LRP1B: variants seen among roughly 807,000 people sequenced by gnomAD.
The protein encoded by LRP1B is low-density lipoprotein receptor-related protein 1B.
LRP1B carries 217 observed loss-of-function variants against 556.6 expected under a neutral mutation model. The ratio of observed to expected loss-of-function variants is 0.39; its 90% CI spans 0.35 to 0.44. The LOEUF is 0.44. Among genes scored for constraint, LRP1B ranks in the 20% least tolerant of loss-of-function variants. The pLI is 1.00. For synonymous variants in LRP1B, 2,047 were observed against 1,865.8 expected, an observed-to-expected ratio of 1.10 and a Z score of -2.50; for missense variants, 5,053 against 5,620.8, an observed-to-expected ratio of 0.90 and a Z score of 3.23.
At chr2:141,993,022 T>C (rs1702389654) in intron 1 of LRP1B, among the ~76,000 whole-genome samples, 2 of 152,100 alleles carry the variant, frequency 1.3e-5, no homozygotes, top group Non-Finnish European at 1.5e-5. Context: ...GTATTTTCAT[T>C]CTAGTTTTAA....
chr2:141,028,703 A>T (rs1698284322), intron 11 of LRP1B, among the ~76,000 whole-genome samples: 2 of 152,092 alleles, frequency 1.3e-5, no homozygotes, highest in African/African-American at 4.8e-5. Flanking sequence ...AGATCTTTTT[A>T]ATCAGTTTAA....
chr2:140,803,353 T>C (rs1353328121), intron 32 of LRP1B, among the ~76,000 whole-genome samples: 2 of 143,604 alleles, frequency 1.4e-5, no homozygotes, highest in East Asian at 4.2e-4. Context: ...CTTGGCTCAC[T>C]GCAACCTCCA....
At chr2:140,647,678 T>G (rs1220284122) in intron 41 of LRP1B, among the ~76,000 whole-genome samples, 2 of 152,152 alleles carry the variant, frequency 1.3e-5, no homozygotes, top group Non-Finnish European at 2.9e-5. Flanking sequence ...TTTTAAAAAA[T>G]TATGCATTTT....
intron 35 of LRP1B, among the ~76,000 whole-genome samples, chr2:140,759,302 C>T (rs1397801643): frequency 6.6e-6 from 1 of 152,082 alleles, no homozygotes; most frequent in Non-Finnish European, 1.5e-5. Flanking sequence ...CTCTAAAATA[C>T]TCCAACTCCA....
At chr2:141,516,407 A>G (rs1465789628) in intron 2 of LRP1B, among the ~76,000 whole-genome samples, 1 of 152,192 alleles carries the variant, frequency 6.6e-6, no homozygotes, top group Non-Finnish European at 1.5e-5. Flanking sequence ...ACTAATCATA[A>G]TGTTAGATCA....
intron 7 of LRP1B, among the ~76,000 whole-genome samples, chr2:141,129,957 T>G (rs1015098807): frequency 5.3e-5 from 8 of 152,038 alleles, no homozygotes; most frequent in African/African-American, 1.9e-4. Flanking sequence ...TATCATGGAC[T>G]AGACGTAATA....
intron 59 of LRP1B, among the ~76,000 whole-genome samples, chr2:140,476,352 A>G (rs1300862910): frequency 1.3e-5 from 2 of 152,014 alleles, no homozygotes; most frequent in Non-Finnish European, 2.9e-5. Context: ...TATAATACTT[A>G]GCAATTAGTT....
At chr2:141,365,679 G>A (rs1438080917) in intron 3 of LRP1B, among the ~76,000 whole-genome samples, 1 of 30,014 alleles carries the variant, frequency 3.3e-5, no homozygotes, top group African/African-American at 1.3e-4. Context: ...TTGAGACAGA[G>A]TCTCGCTCTG....
chr2:142,096,125 A>G (rs1706356895), intron 1 of LRP1B, among the ~76,000 whole-genome samples: 1 of 151,844 alleles, frequency 6.6e-6, no homozygotes, highest in East Asian at 1.9e-4. Context: ...GCAGAAGTTC[A>G]CAGAGTTCTA....
chr2:140,770,480 C>A (rs965271043), intron 34 of LRP1B, among the ~76,000 whole-genome samples: 73 of 152,076 alleles, frequency 4.8e-4, no homozygotes, highest in African/African-American at 1.7e-3. Flanking sequence ...AAACCTGAGA[C>A]CTCACATTCT....
chr2:140,340,340 A>G (rs777282471), intron 77 of LRP1B, among the ~76,000 whole-genome samples: 6 of 151,760 alleles, frequency 4.0e-5, no homozygotes, highest in East Asian at 1.9e-4. Context: ...GCTCCTAAAC[A>G]GTAAATTGTA....
chr2:140,728,267 C>T (rs755144478), intron 35 of LRP1B, among the ~76,000 whole-genome samples: 2 of 152,150 alleles, frequency 1.3e-5, no homozygotes, highest in African/African-American at 2.4e-5. Context: ...AGCAATTGCA[C>T]TGTGCTGTTT....
intron 1 of LRP1B, among the ~76,000 whole-genome samples, chr2:141,823,361 A>G (rs925827249): frequency 1.4e-4 from 22 of 152,182 alleles, no homozygotes; most frequent in African/African-American, 4.8e-4. Flanking sequence ...GAAGGCCAGC[A>G]CAGTGAGGAT....
At chr2:141,783,825 C>T (rs182549145) in intron 2 of LRP1B, among the ~76,000 whole-genome samples, 1 of 151,734 alleles carries the variant, frequency 6.6e-6, no homozygotes, top group East Asian at 1.9e-4. Flanking sequence ...AATAACATAT[C>T]AATTACCAAT....
chr2:140,485,182 T>A (rs1023483786), intron 59 of LRP1B, among the ~76,000 whole-genome samples, 161 bp downstream of exon 59: 5 of 152,130 alleles, frequency 3.3e-5, no homozygotes, highest in African/African-American at 1.2e-4. Context: ...ATTCCTTTCA[T>A]TGTGATAATC....
chr2:140,867,120 T>A (rs942804198), intron 27 of LRP1B, among the ~76,000 whole-genome samples: 1 of 151,990 alleles, frequency 6.6e-6, no homozygotes, highest in African/African-American at 2.4e-5. Flanking sequence ...TTGGCAAACA[T>A]TGAGTGGAGG....
intron 6 of LRP1B, among the ~76,000 whole-genome samples, chr2:141,228,711 A>G (rs537424143): frequency 1.3e-5 from 2 of 152,246 alleles, no homozygotes; most frequent in East Asian, 3.9e-4. Flanking sequence ...ACAAATCACA[A>G]GTTTTTTGGA....
intron 6 of LRP1B, among the ~76,000 whole-genome samples, chr2:141,208,968 A>G (rs1300500064): frequency 6.6e-6 from 1 of 151,242 alleles, no homozygotes; most frequent in Non-Finnish European, 1.5e-5. Flanking sequence ...CCTTTAAAAC[A>G]ATATTATCAA....
intron 2 of LRP1B, among the ~76,000 whole-genome samples, chr2:141,773,753 A>G (rs1442446361): frequency 6.6e-6 from 1 of 152,350 alleles, no homozygotes; most frequent in Admixed American, 6.5e-5. Context: ...ACAAAACAAA[A>G]CAACCTACAT....
Sources: gnomAD v4.1 joint callset for allele counts (sites outside exome capture counted in the v4.1 genomes callset) on GRCh38, gnomAD v4.1.1 for gene constraint, MANE v1.5 for transcripts, NCBI Gene and HGNC (gene_info 2026-07-23, HGNC 2026-07-21) for gene names.